Variants in ASCC3 observed in about 807,000 individuals in gnomAD.
ASCC3 encodes activating signal cointegrator 1 complex subunit 3.
ASCC3 carries 158 observed loss-of-function variants against 256.3 expected under a neutral mutation model. The ratio of observed to expected loss-of-function variants is 0.62; its 90% CI spans 0.54 to 0.70. ASCC3 has a LOEUF of 0.70. Ranked by LOEUF, ASCC3 falls within the 30% of genes least tolerant of loss-of-function variation. The probability of loss-of-function intolerance (pLI) is 0.00; values close to 1 mark genes in which losing one functional copy is unlikely to be tolerated. For missense variants in ASCC3, 2,259 were observed against 2,626.0 expected (o/e 0.86, Z 3.05); for synonymous variants, 948 against 883.4 (o/e 1.07, Z -1.30).
chr6:100,745,559 C>T (rs1582798856), intron 10 of ASCC3, among the ~76,000 whole-genome samples: 2 of 151,824 alleles, frequency 1.3e-5, no homozygotes, highest in Admixed American at 1.3e-4. Context: ...CACATACACT[C>T]CCTCTGCTCC....
chr6:100,525,085 GA>G (rs1774500020), intron 37 of ASCC3, among the ~76,000 whole-genome samples: 2 of 136,628 alleles, frequency 1.5e-5, no homozygotes, highest in African/African-American at 2.7e-5. Flanking sequence ...GCCTGAGGTG[GA>G]AGGATCGTTT....
At chr6:100,514,747 T>C (rs1773937409) in intron 39 of ASCC3, among the ~76,000 whole-genome samples, 1 of 152,152 alleles carries the variant, frequency 6.6e-6, no homozygotes, top group Non-Finnish European at 1.5e-5. Context: ...CTACCATGCA[T>C]ACAATTATTT....
chr6:100,608,799 C>T (rs1260487827), intron 30 of ASCC3, among the ~76,000 whole-genome samples: 1 of 97,558 alleles, frequency 1.0e-5, no homozygotes, highest in African/African-American at 4.0e-5. Context: ...AGTCTCGCTA[C>T]GTTGCCCAGG....
intron 5 of ASCC3, among the ~76,000 whole-genome samples, chr6:100,801,426 C>T (rs984186399): frequency 4.0e-5 from 6 of 151,580 alleles, no homozygotes; most frequent in Admixed American, 3.3e-4. Flanking sequence ...TTCCAATATC[C>T]AATGCAGAAG....
At chr6:100,737,550 G>C (rs182918208) in intron 10 of ASCC3, among the ~76,000 whole-genome samples, 1 of 152,138 alleles carries the variant, frequency 6.6e-6, no homozygotes, top group Non-Finnish European at 1.5e-5. Context: ...CCCTGCAAAG[G>C]GTATGATCTC....
intron 1 of ASCC3, among the ~76,000 whole-genome samples, chr6:100,874,176 T>C (rs944018829): frequency 3.3e-5 from 5 of 152,098 alleles, no homozygotes; most frequent in African/African-American, 9.7e-5. Context: ...TCAAAACTCA[T>C]TGCATTTTAG....
intron 14 of ASCC3, among the ~76,000 whole-genome samples, chr6:100,667,244 G>A (rs1776521197): frequency 6.6e-6 from 1 of 152,164 alleles, no homozygotes; most frequent in Non-Finnish European, 1.5e-5. Context: ...CGTGAGTCTT[G>A]AAGGACAAGG....
intron 3 of ASCC3, among the ~76,000 whole-genome samples, chr6:100,860,444 G>A (rs1250095436): frequency 6.6e-6 from 1 of 151,878 alleles, no homozygotes; most frequent in Non-Finnish European, 1.5e-5. Flanking sequence ...GGGGTGAGAG[G>A]AGGAATACTT....
At chr6:100,659,145 A>G (rs1776065575) in intron 16 of ASCC3, among the ~76,000 whole-genome samples, 1 of 151,422 alleles carries the variant, frequency 6.6e-6, no homozygotes, top group South Asian at 2.1e-4. Context: ...TACTCATGAT[A>G]TCAAAGATAT....
chr6:100,552,062 G>T (rs1769328193), intron 36 of ASCC3, among the ~76,000 whole-genome samples: 1 of 151,702 alleles, frequency 6.6e-6, no homozygotes, highest in Non-Finnish European at 1.5e-5. Flanking sequence ...TTAAATTTGG[G>T]TTTGGTGTGA....
At chr6:100,548,417 G>C (rs1450239741) in intron 36 of ASCC3, among the ~76,000 whole-genome samples, 3 of 151,854 alleles carry the variant, frequency 2.0e-5, no homozygotes, top group African/African-American at 7.2e-5. Flanking sequence ...GGGCAATGAC[G>C]ATAGTATTAA....
chr6:100,649,172 T>C (rs1318995854), intron 20 of ASCC3, among the ~76,000 whole-genome samples: 2 of 151,734 alleles, frequency 1.3e-5, no homozygotes, highest in South Asian at 2.1e-4. Flanking sequence ...TAATCAGAAG[T>C]TGACTTCCTG....
intron 24 of ASCC3, among the ~76,000 whole-genome samples, chr6:100,640,663 T>C (rs575014481): frequency 6.6e-6 from 1 of 152,320 alleles, no homozygotes; most frequent in East Asian, 1.9e-4. Flanking sequence ...GCACACTTGA[T>C]GAAAGAAGAC....
intron 13 of ASCC3, 169 bp downstream of exon 13, chr6:100,715,293 T>A (rs1301849003): frequency 1.7e-6 from 1 of 596,398 alleles, no homozygotes; most frequent in Admixed American, 3.0e-5. Context: ...AATATTTTTA[T>A]GACTTACCCA....
chr6:100,792,066 T>C (rs1769374493), intron 8 of ASCC3, among the ~76,000 whole-genome samples: 1 of 152,088 alleles, frequency 6.6e-6, no homozygotes, highest in Non-Finnish European at 1.5e-5. Context: ...TAATAGTATA[T>C]GTTTTTATGA....
At chr6:100,512,675 T>A in intron 40 of ASCC3, 34 bp downstream of exon 40, 1 of 1,598,876 alleles carries the variant, frequency 6.3e-7, no homozygotes, top group Non-Finnish European at 8.6e-7. Flanking sequence ...GTATTTGGTG[T>A]GAAATATTTG....
chr6:100,579,299 TTACTC>T (rs1404152836), intron 36 of ASCC3, among the ~76,000 whole-genome samples: 2 of 152,110 alleles, frequency 1.3e-5, no homozygotes, highest in African/African-American at 4.8e-5. Flanking sequence ...GGCTGTCTGT[TTACTC>T]TACTGATAGT....
intron 3 of ASCC3, among the ~76,000 whole-genome samples, chr6:100,861,778 G>T (rs954991523): frequency 6.6e-6 from 1 of 152,036 alleles, no homozygotes; most frequent in African/African-American, 2.4e-5. Context: ...GTATGAATCA[G>T]ATATTTACTT....
intron 13 of ASCC3, among the ~76,000 whole-genome samples, chr6:100,686,115 G>C (rs1777554321): frequency 6.6e-6 from 1 of 152,082 alleles, no homozygotes; most frequent in African/African-American, 2.4e-5. Context: ...GGCAATTTCT[G>C]CTTTTTAAAA....
Sources: gnomAD v4.1 joint callset for allele counts (sites outside exome capture counted in the v4.1 genomes callset) on GRCh38, gnomAD v4.1.1 for gene constraint, MANE v1.5 for transcripts, NCBI Gene and HGNC (gene_info 2026-07-23, HGNC 2026-07-21) for gene names.